The following SH3RF3 variants were observed in gnomAD, a reference collection of about 807,000 sequenced individuals.
SH3RF3 encodes SH3 domain containing ring finger 3, also known as E3 ubiquitin-protein ligase SH3RF3.
Under a neutral mutation model 66.3 loss-of-function variants are expected in SH3RF3, and 29 were observed. The ratio of observed to expected loss-of-function variants is 0.44; its 90% CI spans 0.33 to 0.60. The LOEUF is 0.60. SH3RF3 is among the 20% of genes least tolerant of loss of function. The pLI, the probability that SH3RF3 is intolerant of heterozygous loss-of-function variation, is 0.04. For synonymous variants in SH3RF3, 583 were observed against 532.0 expected (o/e 1.10, Z -1.32); for missense variants, 1,194 against 1,190.9 (o/e 1.00, Z -0.04).
At chr2:109,415,542 C>T (rs922527253) in intron 4 of SH3RF3, among the ~76,000 whole-genome samples, 1 of 152,120 alleles carries the variant, frequency 6.6e-6, no homozygotes, top group Non-Finnish European at 1.5e-5. Context: ...TTGCCCTCTG[C>T]CGGTGCAGGC....
chr2:109,382,458 G>A (rs1283268739), intron 3 of SH3RF3, among the ~76,000 whole-genome samples: 1 of 152,092 alleles, frequency 6.6e-6, no homozygotes, highest in East Asian at 1.9e-4. Flanking sequence ...GACCCCCGAC[G>A]TGGTTGGCCT....
At chr2:109,380,199 C>A (rs527967636) in intron 3 of SH3RF3, among the ~76,000 whole-genome samples, 4 of 152,112 alleles carry the variant, frequency 2.6e-5, no homozygotes, top group Non-Finnish European at 5.9e-5. Context: ...GCCTAGGTAC[C>A]GGCTCGCCCT....
chr2:109,426,116 C>T (rs1677022845), intron 5 of SH3RF3, among the ~76,000 whole-genome samples: 1 of 152,164 alleles, frequency 6.6e-6, no homozygotes, highest in Non-Finnish European at 1.5e-5. Context: ...GCCATGTTGG[C>T]CAGGCTGGTG....
chr2:109,287,728 A>T (rs1681062836), intron 1 of SH3RF3, among the ~76,000 whole-genome samples: 1 of 151,934 alleles, frequency 6.6e-6, no homozygotes, highest in Admixed American at 6.6e-5. Context: ...CTCTGCACAG[A>T]GCTCTTCTCT....
At chr2:109,138,676 C>G (rs937612086) in intron 1 of SH3RF3, among the ~76,000 whole-genome samples, 1 of 152,202 alleles carries the variant, frequency 6.6e-6, no homozygotes, top group African/African-American at 2.4e-5. Context: ...GCACACCCTG[C>G]CTGCAGACTG....
intron 8 of SH3RF3, among the ~76,000 whole-genome samples, chr2:109,487,496 C>T (rs531805950): frequency 6.6e-6 from 1 of 152,232 alleles, no homozygotes; most frequent in Non-Finnish European, 1.5e-5. Flanking sequence ...AGAGGGTTTT[C>T]TAGCCATGAC....
At chr2:109,214,995 C>T (rs1433972770) in intron 1 of SH3RF3, among the ~76,000 whole-genome samples, 2 of 152,176 alleles carry the variant, frequency 1.3e-5, no homozygotes, top group Non-Finnish European at 2.9e-5. Context: ...TTGGTGGAGG[C>T]AGAGTAAGAT....
In SH3RF3 at chr2:109,318,184, C is replaced by G. The variant is rs75075769; in HGVS notation, c.574-29490C>G. Among the ~76,000 whole-genome samples, 1,265 of 151,672 alleles carry G rather than the reference C, an allele frequency of 8.3e-3. 15 individuals are homozygous for G. The highest frequency in any genetic ancestry group is 0.044 in the East Asian group (226 of 5,126). ...AATCCTTGCCTAATTTCAGATTAAG[C>G]AAAACATAAGCATTTGGCAAATGCC... On this transcript the variant is annotated intron_variant, in intron 1 of 9. Coordinates refer to ENST00000309415, the MANE Select transcript of SH3RF3 (RefSeq NM_001099289.3).
intron 4 of SH3RF3, among the ~76,000 whole-genome samples, chr2:109,418,154 G>A (rs1025333825): frequency 6.6e-6 from 1 of 152,172 alleles, no homozygotes. Flanking sequence ...GCCTGGCCCC[G>A]TCCTGTGCTC....
chr2:109,154,723 G>C (rs959331522), intron 1 of SH3RF3, among the ~76,000 whole-genome samples: 6 of 152,206 alleles, frequency 3.9e-5, no homozygotes, highest in African/African-American at 1.4e-4. Context: ...CAAGGTCTGT[G>C]GGGGGTGATG....
intron 1 of SH3RF3, among the ~76,000 whole-genome samples, chr2:109,290,205 C>T (rs1681132121): frequency 6.6e-6 from 1 of 152,212 alleles, no homozygotes; most frequent in Non-Finnish European, 1.5e-5. Flanking sequence ...CTGGGTGGCT[C>T]TTTCATATCT....
chr2:109,466,072 C>CTTTTT (rs1171998206), intron 8 of SH3RF3, among the ~76,000 whole-genome samples: 295 of 82,394 alleles, frequency 3.6e-3, no homozygotes, highest in East Asian at 5.4e-3. Context: ...ACCTGTACAT[C>CTTTTT]TTTTTTTTTT....
At chr2:109,461,309 C>G (rs1298094439) in intron 8 of SH3RF3, among the ~76,000 whole-genome samples, 1 of 152,232 alleles carries the variant, frequency 6.6e-6, no homozygotes, top group Non-Finnish European at 1.5e-5. Flanking sequence ...CAGTGGCAGA[C>G]CAAGAACTAT....
intron 1 of SH3RF3, among the ~76,000 whole-genome samples, chr2:109,346,177 A>G (rs1682691907): frequency 6.6e-6 from 1 of 152,156 alleles, no homozygotes; most frequent in Non-Finnish European, 1.5e-5. Flanking sequence ...ATTGGAAGCA[A>G]ACGGATTTTT....
chr2:109,308,081 C>T (rs1466549446), intron 1 of SH3RF3, among the ~76,000 whole-genome samples: 1 of 146,462 alleles, frequency 6.8e-6, no homozygotes, highest in Non-Finnish European at 1.5e-5. Flanking sequence ...CTCTCCAGCA[C>T]CTGTTGTTTC....
At chr2:109,193,457 C>G (rs949813621) in intron 1 of SH3RF3, among the ~76,000 whole-genome samples, 1 of 152,234 alleles carries the variant, frequency 6.6e-6, no homozygotes, top group Non-Finnish European at 1.5e-5. Flanking sequence ...CTCTGGGCAA[C>G]TCTGTGGGTC....
chr2:109,366,269 CT>C (rs1559045251), intron 2 of SH3RF3, among the ~76,000 whole-genome samples: 3 of 152,154 alleles, frequency 2.0e-5, no homozygotes, highest in South Asian at 4.2e-4. Flanking sequence ...TCTTACTTTG[CT>C]TTTTTCGTTT....
At chr2:109,275,362 C>G (rs759772905) in intron 1 of SH3RF3, among the ~76,000 whole-genome samples, 12 of 152,192 alleles carry the variant, frequency 7.9e-5, no homozygotes, top group Non-Finnish European at 1.8e-4. Flanking sequence ...TGATAAGTTG[C>G]TCAGAGCCCT....
intron 1 of SH3RF3, among the ~76,000 whole-genome samples, chr2:109,164,846 T>C (rs1217375665): frequency 6.6e-6 from 1 of 152,210 alleles, no homozygotes; most frequent in Non-Finnish European, 1.5e-5. Flanking sequence ...CCTTTCTTCC[T>C]GTTTCTAATC....
Sources: allele counts gnomAD v4.1 joint callset (sites outside exome capture counted in the v4.1 genomes callset), GRCh38; gene constraint gnomAD v4.1.1; transcripts MANE v1.5; gene names NCBI Gene and HGNC (gene_info 2026-07-23, HGNC 2026-07-21).